Variants in FAM171A1 observed in about 807,000 individuals in gnomAD.
FAM171A1 encodes the protein protein FAM171A1.
A neutral mutation model predicts 74.9 loss-of-function variants in FAM171A1; 23 were observed. The ratio of observed to expected loss-of-function variants is 0.31; its 90% CI spans 0.22 to 0.44. FAM171A1 has a LOEUF of 0.44. Ranked by LOEUF, FAM171A1 falls within the 20% of genes least tolerant of loss-of-function variation. The pLI is 1.00. For missense variants in FAM171A1, 1,162 were observed against 1,159.2 expected, an observed-to-expected ratio of 1.00 and a Z score of -0.03; for synonymous variants, 527 against 505.7, an observed-to-expected ratio of 1.04 and a Z score of -0.57.
At chr10:15,262,186 G>T (rs1834666450) in intron 3 of FAM171A1, among the ~76,000 whole-genome samples, 1 of 152,174 alleles carries the variant, frequency 6.6e-6, no homozygotes, top group Non-Finnish European at 1.5e-5. Flanking sequence ...TACCGGTAGG[G>T]AAGTGAAAGA....
At chr10:15,309,727 T>G (rs1835338079) in intron 1 of FAM171A1, among the ~76,000 whole-genome samples, 1 of 152,238 alleles carries the variant, frequency 6.6e-6, no homozygotes, top group African/African-American at 2.4e-5. Flanking sequence ...CCCACCTAAC[T>G]TCTAAAGACT....
At chr10:15,334,920 A>T (rs1201171604) in intron 1 of FAM171A1, among the ~76,000 whole-genome samples, 1 of 152,176 alleles carries the variant, frequency 6.6e-6, no homozygotes, top group East Asian at 1.9e-4. Flanking sequence ...CCAAGTTGCA[A>T]CAGAAATTCT....
At chr10:15,277,764 C>G (rs547956666) in intron 2 of FAM171A1, among the ~76,000 whole-genome samples, 1 of 151,030 alleles carries the variant, frequency 6.6e-6, no homozygotes, top group Admixed American at 6.6e-5. Context: ...AGTGCTGGCT[C>G]TTTTTTTTTG....
chr10:15,338,684 G>A (rs997534902), intron 1 of FAM171A1, among the ~76,000 whole-genome samples: 2 of 152,092 alleles, frequency 1.3e-5, no homozygotes, highest in East Asian at 1.9e-4. Flanking sequence ...CCCCAGCACC[G>A]ACAGTTAGCT....
At chr10:15,244,989 C>T (rs1834413453) in intron 5 of FAM171A1, among the ~76,000 whole-genome samples, 1 of 152,132 alleles carries the variant, frequency 6.6e-6, no homozygotes, top group Non-Finnish European at 1.5e-5. Context: ...TTAAATATGT[C>T]CAGATGTGAC....
At chr10:15,357,204 AC>A (rs1352608061) in intron 1 of FAM171A1, among the ~76,000 whole-genome samples, 1 of 152,126 alleles carries the variant, frequency 6.6e-6, no homozygotes, top group Non-Finnish European at 1.5e-5. Context: ...AATGGCGTGA[AC>A]CCGGGAGGTG....
chr10:15,296,815 C>A (rs1013735139), intron 1 of FAM171A1, among the ~76,000 whole-genome samples: 3 of 151,298 alleles, frequency 2.0e-5, no homozygotes, highest in Non-Finnish European at 4.4e-5. Flanking sequence ...TGAATGACCT[C>A]ATTGGAGACG....
chr10:15,315,191 CTG>C (rs1835407652), intron 1 of FAM171A1, among the ~76,000 whole-genome samples: 1 of 152,194 alleles, frequency 6.6e-6, no homozygotes, highest in African/African-American at 2.4e-5. Flanking sequence ...ACATTTCCGC[CTG>C]TCCTTGGATC....
chr10:15,366,117 G>A (rs568104291), intron 1 of FAM171A1, among the ~76,000 whole-genome samples: 1 of 152,166 alleles, frequency 6.6e-6, no homozygotes, highest in Non-Finnish European at 1.5e-5. Context: ...CTGAAATGTA[G>A]TTTCATGTAT....
chr10:15,259,404 G>A (rs1409027177), intron 3 of FAM171A1, among the ~76,000 whole-genome samples: 1 of 151,950 alleles, frequency 6.6e-6, no homozygotes, highest in Non-Finnish European at 1.5e-5. Flanking sequence ...TCCCTGCCCA[G>A]AAACCATCAA....
upstream of FAM171A1, among the ~76,000 whole-genome samples, chr10:15,371,565 A>G (rs11259633): frequency 0.58 from 87,718 of 151,980 alleles, 25,455 homozygotes; most frequent in East Asian, 0.79. Flanking sequence ...CCCCCCCACC[A>G]GGTGCCATCC....
intron 4 of FAM171A1, among the ~76,000 whole-genome samples, chr10:15,250,418 C>A (rs1214626647): frequency 6.6e-6 from 1 of 152,230 alleles, no homozygotes; most frequent in African/African-American, 2.4e-5. Flanking sequence ...GGTCTACAAT[C>A]TACTGCTCTA....
intron 1 of FAM171A1, among the ~76,000 whole-genome samples, chr10:15,354,376 G>C (rs1210193208): frequency 1.3e-5 from 2 of 151,944 alleles, no homozygotes; most frequent in African/African-American, 2.4e-5. Context: ...CTTGCCTGTA[G>C]TCTCAGCTAT....
intron 1 of FAM171A1, among the ~76,000 whole-genome samples, chr10:15,288,993 T>C (rs1053289059): frequency 2.0e-5 from 3 of 152,090 alleles, no homozygotes; most frequent in Admixed American, 1.3e-4. Flanking sequence ...TGGCTACTTT[T>C]GTATTTTTAG....
intron 1 of FAM171A1, among the ~76,000 whole-genome samples, chr10:15,339,045 T>G (rs1835734665): frequency 6.6e-6 from 1 of 152,142 alleles, no homozygotes; most frequent in African/African-American, 2.4e-5. Context: ...AGCCCTGGAT[T>G]ACAGTTTTGA....
intron 5 of FAM171A1, among the ~76,000 whole-genome samples, chr10:15,245,683 G>A (rs1019041480): frequency 5.9e-5 from 9 of 152,196 alleles, no homozygotes; most frequent in Admixed American, 2.6e-4. Context: ...ACACCACTGT[G>A]CCCCCCAGAC....
In FAM171A1 at chr10:15,368,706, G is replaced by A. The variant is rs180861179; in HGVS notation, c.97+2250C>T. On this transcript the variant is annotated intron_variant, in intron 1 of 7. Transcript: ENST00000378116. ...CATAACAACCTACAACCCACTGTGG[G>A]AAATGCAAAGTGAAATCAGATGCAG... Among the ~76,000 whole-genome samples the A allele has an allele frequency of 3.3e-3, 504 of 152,302 alleles. 1 individual carries two copies. Among genetic ancestry groups the A allele is most frequent in the Non-Finnish European group, 6.0e-3 (409 of 68,022 alleles).
chr10:15,355,663 C>G (rs78456132), intron 1 of FAM171A1, among the ~76,000 whole-genome samples: 1 of 152,044 alleles, frequency 6.6e-6, no homozygotes, highest in East Asian at 1.9e-4. Flanking sequence ...TGCAGTGAGC[C>G]AAGATTGTGC....
At chr10:15,216,186 G>C (rs1391777192) in intron 6 of FAM171A1, 76 bp from the exon 7 acceptor site, 3 of 944,854 alleles carry the variant, frequency 3.2e-6, no homozygotes, top group Non-Finnish European at 4.7e-6. Flanking sequence ...TGAGAACGCA[G>C]TGTCTTGTGC....
Sources: allele counts gnomAD v4.1 joint callset (sites outside exome capture counted in the v4.1 genomes callset), GRCh38; gene constraint gnomAD v4.1.1; transcripts MANE v1.5; gene names NCBI Gene and HGNC (gene_info 2026-07-23, HGNC 2026-07-21).